ZW10: variants seen among roughly 807,000 people sequenced by gnomAD.
ZW10 encodes centromere/kinetochore protein zw10 homolog.
A neutral mutation model predicts 87.8 loss-of-function variants in ZW10; 53 were observed. That is an observed-to-expected ratio of 0.60 (90% CI 0.48 to 0.76). The LOEUF (loss-of-function observed/expected upper bound fraction) is 0.76. Among genes scored for constraint, ZW10 ranks in the 30% least tolerant of loss-of-function variants. The pLI is 0.00. For missense variants in ZW10, 837 were observed against 923.0 expected (o/e 0.91, Z 1.21); for synonymous variants, 312 against 329.2 (o/e 0.95, Z 0.57).
chr11:113,772,144 T>G (rs1953973792), intron 1 of ZW10, among the ~76,000 whole-genome samples: 1 of 151,782 alleles, frequency 6.6e-6, no homozygotes. Context: ...AAGCAAAATA[T>G]GGGATTAAAA....
intron 7 of ZW10, among the ~76,000 whole-genome samples, chr11:113,757,371 G>A (rs1430616418): frequency 2.0e-5 from 3 of 152,114 alleles, no homozygotes; most frequent in African/African-American, 4.8e-5. Flanking sequence ...AATTTGTGAC[G>A]GTACTGGGAG....
chr11:113,746,625 A>G (rs544882335), intron 9 of ZW10, among the ~76,000 whole-genome samples: 270 of 152,254 alleles, frequency 1.8e-3, no homozygotes, highest in African/African-American at 6.0e-3. Flanking sequence ...TACACCAAGG[A>G]AGGGGTACAG....
intron 7 of ZW10, among the ~76,000 whole-genome samples, chr11:113,753,967 C>A (rs1254553234): frequency 6.6e-6 from 1 of 152,234 alleles, no homozygotes; most frequent in Non-Finnish European, 1.5e-5. Context: ...AGTTATCCAG[C>A]AGACCTAGCT....
At chr11:113,765,178 C>T (rs1049288157) in intron 2 of ZW10, among the ~76,000 whole-genome samples, 8 of 152,200 alleles carry the variant, frequency 5.3e-5, no homozygotes, top group Non-Finnish European at 1.0e-4. Flanking sequence ...AGAAACCCTG[C>T]TTTATATACT....
chr11:113,756,343 T>G (rs971450675), intron 7 of ZW10, among the ~76,000 whole-genome samples: 1 of 152,128 alleles, frequency 6.6e-6, no homozygotes, highest in African/African-American at 2.4e-5. Flanking sequence ...ATAAAAATGT[T>G]TATACTGGTG....
chr11:113,763,665 T>G (rs1383698952), intron 2 of ZW10, among the ~76,000 whole-genome samples: 2 of 152,240 alleles, frequency 1.3e-5, no homozygotes, highest in African/African-American at 4.8e-5. Context: ...TGTCTTCTTT[T>G]GAGAAGTGTC....
chr11:113,760,717 A>C (rs1953849484), intron 3 of ZW10, 100 bp downstream of exon 3: 1 of 1,298,106 alleles, frequency 7.7e-7, no homozygotes, highest in Non-Finnish European at 1.1e-6. Context: ...AAGAAAAAAA[A>C]ATATGAAGAC....
chr11:113,744,101 C>T, intron 9 of ZW10, 61 bp from the exon 10 acceptor site: 1 of 1,415,572 alleles, frequency 7.1e-7, no homozygotes, highest in Non-Finnish European at 9.7e-7. Context: ...CAAATATAAG[C>T]ACACGGCCGG....
chr11:113,756,609 C>T (rs538190638), intron 7 of ZW10, among the ~76,000 whole-genome samples: 11 of 152,224 alleles, frequency 7.2e-5, no homozygotes, highest in African/African-American at 2.6e-4. Flanking sequence ...AAAACAAAAA[C>T]CTGCCTGGTA....
chr11:113,746,103 T>C (rs767816187), intron 9 of ZW10, among the ~76,000 whole-genome samples: 48 of 152,172 alleles, frequency 3.2e-4, no homozygotes, highest in Non-Finnish European at 6.5e-4. Flanking sequence ...CATAGGACAG[T>C]CCCCCACAGC....
chr11:113,742,753 C>T (rs191693616), intron 10 of ZW10, among the ~76,000 whole-genome samples: 130 of 152,248 alleles, frequency 8.5e-4, no homozygotes, highest in African/African-American at 2.9e-3. Flanking sequence ...ACAGTCACTC[C>T]TATATTCATT....
Position 113,748,436 on chromosome 11 carries a change from A to G in ZW10, c.926-16T>C, listed in dbSNP as rs763339250. The G allele has an allele frequency of 6.4e-7, 1 of 1,574,340 alleles. No homozygotes were observed. Among genetic ancestry groups the G allele is most frequent in the South Asian group, 1.2e-5 (1 of 83,824 alleles). On this transcript the variant is annotated splice_polypyrimidine_tract_variant and intron_variant, in intron 7 of 15. Transcript: ENST00000200135. ...AGTGGCAAATCTGAATTTTTTAAAAAAAGAAGTTTTAAACAAGAAACCATT... is the reference window on the plus strand; with the variant it reads ...AGTGGCAAATCTGAATTTTTTAAAAGAAGAAGTTTTAAACAAGAAACCATT...
At chr11:113,770,633 A>G (rs1276489919) in intron 1 of ZW10, 1 of 151,288 alleles carries the variant, frequency 6.6e-6, no homozygotes, top group Non-Finnish European at 1.5e-5. Flanking sequence ...CCTGGCCAAC[A>G]TGGTGAAAAC....
At position 113,733,606 on chromosome 11, in the gene ZW10, T is replaced by C. The variant is rs942637700; in HGVS notation, c.*88A>G. On this transcript the variant is annotated 3_prime_UTR_variant, in exon 16 of 16. Transcript: ENST00000200135. ...AGATGTACTGGTTCACCAAAACCAA[T>C]GGGCGATTCAAAGAAGTCTTTAAGG... The C allele has an allele frequency of 2.7e-5, 42 of 1,580,244 alleles. No individual in the cohort carries two copies. Among genetic ancestry groups the C allele is most frequent in the Non-Finnish European group, 3.5e-5 (40 of 1,158,552 alleles).
At chr11:113,740,262 T>C (rs763652201) in intron 11 of ZW10, among the ~76,000 whole-genome samples, 1 of 152,160 alleles carries the variant, frequency 6.6e-6, no homozygotes, top group Non-Finnish European at 1.5e-5. Flanking sequence ...TAAATATGTA[T>C]ATTTTTAAAG....
chr11:113,735,719 C>T (rs1446394879), intron 15 of ZW10, among the ~76,000 whole-genome samples: 2 of 152,066 alleles, frequency 1.3e-5, no homozygotes, highest in Non-Finnish European at 2.9e-5. Flanking sequence ...CTTTGTGCAA[C>T]GGCCTCTGCA....
chr11:113,734,067 A>G (rs1270411619), intron 15 of ZW10, among the ~76,000 whole-genome samples: 1 of 152,212 alleles, frequency 6.6e-6, no homozygotes, highest in Admixed American at 6.5e-5. Flanking sequence ...CCCTTATTCT[A>G]TACCAAGGCC....
At chr11:113,747,992 A>G (rs1421137053) in intron 8 of ZW10, among the ~76,000 whole-genome samples, 4 of 152,216 alleles carry the variant, frequency 2.6e-5, no homozygotes, top group Non-Finnish European at 5.9e-5. Flanking sequence ...AGAAGCAAAA[A>G]GTAAAATGTC....
At chr11:113,764,687 G>A (rs1953893931) in intron 2 of ZW10, among the ~76,000 whole-genome samples, 1 of 152,076 alleles carries the variant, frequency 6.6e-6, no homozygotes, top group Non-Finnish European at 1.5e-5. Context: ...TTACCAATAG[G>A]TGATAGGAAC....
Sources: gnomAD v4.1 joint callset for allele counts (sites outside exome capture counted in the v4.1 genomes callset) on GRCh38, gnomAD v4.1.1 for gene constraint, MANE v1.5 for transcripts, NCBI Gene and HGNC (gene_info 2026-07-23, HGNC 2026-07-21) for gene names.